The following TENT4B variants were observed in gnomAD, a reference collection of about 807,000 sequenced individuals.
TENT4B encodes the protein terminal nucleotidyltransferase 4B.
Under a neutral mutation model 75.0 loss-of-function variants are expected in TENT4B, and 10 were observed. The observed-to-expected ratio is 0.13, with a 90% CI of 0.08 to 0.23. The LOEUF (loss-of-function observed/expected upper bound fraction) is 0.23. Among genes scored for constraint, TENT4B ranks in the 10% least tolerant of loss-of-function variants. The probability of loss-of-function intolerance (pLI) is 1.00; values close to 1 mark genes in which losing one functional copy is unlikely to be tolerated. For synonymous variants in TENT4B, 350 were observed against 357.7 expected (o/e 0.98, Z 0.24); for missense variants, 579 against 893.8 (o/e 0.65, Z 4.49).
intron 1 of TENT4B, among the ~76,000 whole-genome samples, chr16:50,190,291 G>T (rs968541920): frequency 1.1e-4 from 16 of 151,668 alleles, no homozygotes; most frequent in Non-Finnish European, 1.3e-4. Context: ...GTGCATTTTT[G>T]AATGCTTTTG....
chr16:50,179,756 A>AT (rs1170455924), intron 1 of TENT4B, among the ~76,000 whole-genome samples: 1 of 152,244 alleles, frequency 6.6e-6, no homozygotes, highest in Non-Finnish European at 1.5e-5. Flanking sequence ...TGCTGTTAGT[A>AT]TAGTGACTTT....
At chr16:50,223,533 A>T (rs1209141872) in intron 7 of TENT4B, 146 bp downstream of exon 7, 1 of 630,360 alleles carries the variant, frequency 1.6e-6, no homozygotes, top group East Asian at 2.8e-5. Context: ...ATGAGCAAAC[A>T]TACTAAAATA....
upstream of TENT4B, chr16:50,153,025 A>G (rs1185960604): frequency 6.6e-7 from 1 of 1,514,826 alleles, no homozygotes; most frequent in Non-Finnish European, 8.8e-7. Flanking sequence ...AAGCTCCCGG[A>G]CGCCCAGGTA....
chr16:50,212,219 G>C (rs564248115), intron 2 of TENT4B, among the ~76,000 whole-genome samples: 12 of 152,184 alleles, frequency 7.9e-5, no homozygotes, highest in African/African-American at 2.9e-4. Flanking sequence ...ACCACACTTA[G>C]CTAATTTTTG....
chr16:50,199,532 C>T (rs2030501890), intron 1 of TENT4B, among the ~76,000 whole-genome samples: 1 of 152,210 alleles, frequency 6.6e-6, no homozygotes, highest in Non-Finnish European at 1.5e-5. Flanking sequence ...ATTAATTTAT[C>T]CCTCCCCTTA....
chr16:50,191,484 G>A (rs1169179151), intron 1 of TENT4B, among the ~76,000 whole-genome samples: 4 of 152,036 alleles, frequency 2.6e-5, no homozygotes, highest in African/African-American at 9.7e-5. Flanking sequence ...GTGTTGCCCA[G>A]GCTGGTCATG....
intron 1 of TENT4B, among the ~76,000 whole-genome samples, chr16:50,197,046 G>C (rs939547983): frequency 1.2e-4 from 18 of 151,808 alleles, no homozygotes; most frequent in Non-Finnish European, 2.1e-4. Context: ...GCTTGATGCT[G>C]CAGTGAGATG....
In TENT4B at chr16:50,227,816, A is replaced by G. The variant is rs564365942; in HGVS notation, c.1801-23A>G. The G allele has an allele frequency of 1.4e-5, 23 of 1,612,934 alleles. No individual in the cohort carries two copies. In the South Asian group the frequency reaches 2.3e-4, roughly 16 times the overall value. ...ATCTAAATTACTAATATGTCACATT[A>G]TAACTCACGTGACTTGTGTTAGGAT... On this transcript the variant is annotated intron_variant, in intron 10 of 11. Transcript: ENST00000561678.
chr16:50,153,817 ACCGGCAGCC>A lies in TENT4B; in HGVS notation c.202_210del (p.Ser68_Gly70del), dbSNP rs1202074855. 3.5e-5 allele frequency: 43 copies of A among 1,228,212 alleles called. No individual in the cohort carries two copies. The highest frequency in any genetic ancestry group is 4.4e-5 in the Non-Finnish European group (43 of 988,332). 76.1% of individuals were successfully genotyped at this position (1,228,212 alleles called of 1,614,324 possible). A position where few individuals can be genotyped will look rare whatever the true frequency, so the allele number is the denominator to read the frequency against. On this transcript the variant is annotated inframe_deletion, in exon 1 of 12. Transcript: ENST00000561678. ...GGCCACCGGCGGGAGCGGCAGCAGCACCGGCAGCCCCGGCGGCGCGGCCTCGGCCCCGGC... is the reference window on the plus strand; with the variant it reads ...GGCCACCGGCGGGAGCGGCAGCAGCACCGGCGGCGCGGCCTCGGCCCCGGC...
intron 1 of TENT4B, among the ~76,000 whole-genome samples, chr16:50,202,647 TA>T (rs1350024730): frequency 6.6e-6 from 1 of 152,178 alleles, no homozygotes; most frequent in African/African-American, 2.4e-5. Context: ...CAAATTTGGT[TA>T]GAACTACTCA....
rs2031620232 is a variant in TENT4B, at chr16:50,217,492, A to G, written c.931-64A>G. On this transcript the variant is annotated intron_variant, in intron 4 of 11. Transcript: ENST00000561678. ...GAGACCTCATGTCTAGTAGGCTTCC[A>G]TCCCCTGATTTTATCATTTAATCTG... 3 of 864,302 alleles carry G rather than the reference A, an allele frequency of 3.5e-6. No individual in the cohort carries two copies. The Middle Eastern group carries it at 1.1e-3, about 307-fold the overall frequency. 53.5% of individuals were successfully genotyped at this position (864,302 alleles called of 1,614,324 possible). A position where few individuals can be genotyped will look rare whatever the true frequency, so the allele number is the denominator to read the frequency against.
Position 50,153,894 on chromosome 16 carries a change from G to A in TENT4B, c.273G>A (p.Leu91=). The A allele has an allele frequency of 3.3e-6, 5 of 1,520,770 alleles. No individual in the cohort carries two copies. In the South Asian group the frequency reaches 3.7e-5, roughly 11 times the overall value. The allele number at this position is 1,520,770 out of a possible 1,614,324, so 94.2% of individuals were successfully genotyped here. A position where few individuals can be genotyped will look rare whatever the true frequency, so the allele number is the denominator to read the frequency against. ...TGTATCGCTCCGGGGAGCGCCTGCTGGGCAGCCACGCGCTGCCCGCGGAGC... is the reference window on the plus strand; with the variant it reads ...TGTATCGCTCCGGGGAGCGCCTGCTAGGCAGCCACGCGCTGCCCGCGGAGC... ...AGMYRSGERL[L]GSHALPAEQR... is the part of the protein sequence containing the mutation. Residue 91 remains leucine (L), a synonymous_variant, in exon 1 of 12, where the codon CTG becomes CTA. Transcript: ENST00000561678.
chr16:50,160,687 G>A (rs191623443), intron 1 of TENT4B, among the ~76,000 whole-genome samples: 2 of 152,326 alleles, frequency 1.3e-5, no homozygotes, highest in East Asian at 3.9e-4. Flanking sequence ...GAATATCACA[G>A]GAAGGGTATA....
At chr16:50,205,607 T>C (rs1448386030) in intron 1 of TENT4B, among the ~76,000 whole-genome samples, 1 of 113,276 alleles carries the variant, frequency 8.8e-6, no homozygotes, top group Non-Finnish European at 1.8e-5. Flanking sequence ...TTTTTTTTTT[T>C]TGAGACAGAG....
chr16:50,191,028 T>C (rs2038628575), intron 1 of TENT4B, among the ~76,000 whole-genome samples: 1 of 152,094 alleles, frequency 6.6e-6, no homozygotes, highest in South Asian at 2.1e-4. Flanking sequence ...ATCCATGTTG[T>C]AGCATATGTC....
intron 1 of TENT4B, among the ~76,000 whole-genome samples, chr16:50,171,942 G>A (rs1396868182): frequency 1.3e-5 from 2 of 152,106 alleles, no homozygotes; most frequent in African/African-American, 2.4e-5. Flanking sequence ...GTGAGCTAAC[G>A]CAGCAGAGGT....
chr16:50,169,903 G>T (rs557021770), intron 1 of TENT4B, among the ~76,000 whole-genome samples: 32 of 152,228 alleles, frequency 2.1e-4, no homozygotes, highest in African/African-American at 7.2e-4. Context: ...TTTAGCTGTT[G>T]GTAGCTGAAG....
In TENT4B at chr16:50,154,085, C is replaced by T. The variant is rs1211770665; in HGVS notation, c.464C>T (p.Ser155Leu). 4.6e-6 allele frequency: 7 copies of T among 1,529,496 alleles called. No homozygotes were observed. The highest frequency in any genetic ancestry group is 2.5e-5 in the East Asian group (1 of 40,458). The allele number at this position is 1,529,496 out of a possible 1,614,324, so 94.7% of individuals were successfully genotyped here. ...GCCGCCGATCCAGCCGATTCGGCCT[C>T]GGGCAGCAGCAACAAGAGGAAGCGC... ...VPAADPADSA[S>L]GSSNKRKRDN... The change falls in exon 1 of 12, where the codon TCG (serine) becomes TTG (leucine). Residue 155 changes from serine to leucine, a missense_variant. By Grantham distance (145) the Ser-to-Leu change is moderately radical. Transcript: ENST00000561678.
At chr16:50,182,060 A>G (rs2038426128) in intron 1 of TENT4B, among the ~76,000 whole-genome samples, 1 of 152,160 alleles carries the variant, frequency 6.6e-6, no homozygotes, top group African/African-American at 2.4e-5. Context: ...TGAGCTCAGG[A>G]GTTCAAGACC....
Sources: allele counts gnomAD v4.1 joint callset (sites outside exome capture counted in the v4.1 genomes callset), GRCh38; gene constraint gnomAD v4.1.1; transcripts MANE v1.5; gene names NCBI Gene and HGNC (gene_info 2026-07-23, HGNC 2026-07-21).